Variants in IFT140 observed in about 807,000 individuals in gnomAD.
The protein encoded by IFT140 is intraflagellar transport protein 140 homolog.
IFT140 carries 133 observed loss-of-function variants against 164.6 expected under a neutral mutation model. The ratio of observed to expected loss-of-function variants is 0.81; its 90% CI spans 0.70 to 0.93. IFT140 has a LOEUF of 0.93. Among genes scored for constraint, IFT140 ranks in the 40% least tolerant of loss-of-function variants. The pLI, the probability that IFT140 is intolerant of heterozygous loss-of-function variation, is 0.00. For missense variants in IFT140, 2,045 were observed against 1,972.3 expected, an observed-to-expected ratio of 1.04 and a Z score of -0.70; for synonymous variants, 860 against 817.3, an observed-to-expected ratio of 1.05 and a Z score of -0.89.
At chr16:1,544,342 C>A (rs1396012052) in intron 19 of IFT140, among the ~76,000 whole-genome samples, 1 of 151,498 alleles carries the variant, frequency 6.6e-6, no homozygotes, top group Non-Finnish European at 1.5e-5. Context: ...CGCCACCATG[C>A]CCGGCTAATT....
At chr16:1,570,841 G>A (rs2033976021) in intron 14 of IFT140, among the ~76,000 whole-genome samples, 1 of 152,046 alleles carries the variant, frequency 6.6e-6, no homozygotes, top group African/African-American at 2.4e-5. Flanking sequence ...CCGCAACCTC[G>A]ATCTCCGAGG....
intron 14 of IFT140, among the ~76,000 whole-genome samples, chr16:1,568,639 T>C (rs1211697847): frequency 4.6e-5 from 7 of 151,960 alleles, no homozygotes; most frequent in Non-Finnish European, 1.5e-5. Flanking sequence ...CCCAGCACTT[T>C]GGGAGGGTGA....
intron 6 of IFT140, among the ~76,000 whole-genome samples, chr16:1,591,283 C>T (rs576325557): frequency 1.3e-5 from 2 of 152,158 alleles, no homozygotes; most frequent in African/African-American, 4.8e-5. Flanking sequence ...TCCTGGCACG[C>T]CCCCTCCTTG....
At position 1,526,666 on chromosome 16, in the gene IFT140, C is replaced by A; in HGVS notation, c.2530G>T (p.Glu844Ter). ...AGCACGGCCACGCGGGCCTCTAGCT[C>A]CGGCTCCTGCTCCGCCTCACGCAGC... ...RALREAEQEP[E>*]LEARVAVLAT... The change falls in exon 20 of 31, where the codon GAG becomes TAG. Residue 844 changes from glutamate to a stop codon, truncating the protein, a stop_gained. Coordinates refer to ENST00000426508, the MANE Select transcript of IFT140 (RefSeq NM_014714.4). LOFTEE classifies it high-confidence loss of function. The A allele has an allele frequency of 6.3e-7, 1 of 1,597,450 alleles. No individual in the cohort carries two copies.
In IFT140 at chr16:1,524,696, CT is replaced by C. The variant is rs2141171226; in HGVS notation, c.2998-2del. The C allele has an allele frequency of 1.3e-6, 2 of 1,575,304 alleles. No individual in the cohort carries two copies. The highest frequency in any genetic ancestry group is 2.7e-5 in the African/African-American group (2 of 74,132). ...CTGTCTCGTTGGCTATTTGCGCAGC[CT>C]AGAAAGACAAAGAACCCAAAGACGA... is the stretch of plus-strand genomic sequence containing the variant. On this transcript the variant is annotated splice_acceptor_variant, in intron 23 of 30. Coordinates refer to ENST00000426508, the MANE Select transcript of IFT140 (RefSeq NM_014714.4). LOFTEE classifies it high-confidence loss of function.
chr16:1,573,050 G>A (rs549180281), intron 13 of IFT140, among the ~76,000 whole-genome samples: 5 of 152,310 alleles, frequency 3.3e-5, no homozygotes, highest in African/African-American at 1.2e-4. Context: ...TCTAAACACA[G>A]ACTCCAAAAG....
At position 1,553,837 on chromosome 16, in the gene IFT140, C is replaced by T. The variant is rs2032874992; in HGVS notation, c.2399+4098G>A. On this transcript the variant is annotated intron_variant, in intron 19 of 30. Coordinates refer to ENST00000426508, the MANE Select transcript of IFT140 (RefSeq NM_014714.4). The surrounding 1 kb of genome is among the most constrained non-coding windows in gnomAD (Gnocchi z 4.4). ...ATTAGGACGCCCGGCTCCATCGCTG[C>T]GGCCACAGTGTCCTGTTATCCTAGT... 6 of 1,212,110 alleles carry T rather than the reference C, an allele frequency of 5.0e-6. No individual in the cohort carries two copies. The highest frequency in any genetic ancestry group is 3.0e-5 in the Admixed American group (1 of 33,156). 75.1% of individuals were successfully genotyped at this position (1,212,110 alleles called of 1,614,324 possible).
intron 11 of IFT140, 90 bp from the exon 12 acceptor site, chr16:1,583,476 A>G (rs1441827202): frequency 3.4e-6 from 3 of 887,876 alleles, no homozygotes; most frequent in Non-Finnish European, 1.8e-6. Flanking sequence ...GCCTCCTCTA[A>G]ACACTTCTGA....
intron 7 of IFT140, 51 bp downstream of exon 7, chr16:1,589,554 G>A (rs2035066299): frequency 6.3e-7 from 1 of 1,575,598 alleles, no homozygotes. Flanking sequence ...AGGCCAGAGA[G>A]AACCTGGCCC....
intron 6 of IFT140, among the ~76,000 whole-genome samples, chr16:1,591,457 T>C (rs1012773129): frequency 1.3e-5 from 2 of 152,234 alleles, no homozygotes; most frequent in Non-Finnish European, 2.9e-5. Flanking sequence ...CTCTTCTTCC[T>C]GTCAAGATCC....
chr16:1,583,406 T>C lies in IFT140; in HGVS notation c.1360-20A>G. ...AGCATCCTGAAAAGAACCACGGACA[T>C]TCGAGGCAAAGGGCGGGAAAAGTGA... On this transcript the variant is annotated intron_variant, in intron 11 of 30. Transcript: ENST00000426508. The C allele has an allele frequency of 6.2e-7, 1 of 1,612,872 alleles. No individual in the cohort carries two copies. Among genetic ancestry groups the C allele is most frequent in the South Asian group, 1.1e-5 (1 of 91,034 alleles).
rs545806762 is a variant in IFT140 at position 1,528,337 on chromosome 16, A to G, written c.2400-1541T>C. ...CACGCACGCATGCACGCACGTGTGC[A>G]CACACACGCATGCACGCACGTGTGC... On this transcript the variant is annotated intron_variant, in intron 19 of 30. Transcript: ENST00000426508. Among the ~76,000 whole-genome samples, 164 of 105,574 alleles carry G rather than the reference A, an allele frequency of 1.6e-3. 3 individuals carry two copies. The highest frequency in any genetic ancestry group is 5.5e-3 in the African/African-American group (139 of 25,240). 69.3% of individuals were successfully genotyped at this position (105,574 alleles called of 152,430 possible). A position where few individuals can be genotyped will look rare whatever the true frequency, so the allele number is the denominator to read the frequency against.
intron 19 of IFT140, among the ~76,000 whole-genome samples, chr16:1,538,123 C>A (rs1004829802): frequency 6.6e-6 from 1 of 152,194 alleles, no homozygotes; most frequent in African/African-American, 2.4e-5. Context: ...TTGGGGCAGG[C>A]GGGAGCGTGG....
chr16:1,595,264 G>A (rs1052813596), intron 4 of IFT140, among the ~76,000 whole-genome samples: 4 of 152,074 alleles, frequency 2.6e-5, no homozygotes, highest in African/African-American at 7.2e-5. Context: ...CAGCCTGGGT[G>A]ACAGAGTGAG....
chr16:1,517,589 G>A lies in IFT140; in HGVS notation c.4182+627C>T, dbSNP rs8051454. On this transcript the variant is annotated intron_variant, in intron 30 of 30. Coordinates refer to ENST00000426508, the MANE Select transcript of IFT140 (RefSeq NM_014714.4). ...GGGATGAGGAAAACGCTAGAACACTGCGGCTGAATAAGTGATTAGCTGGTC... is the reference window on the plus strand; with the variant it reads ...GGGATGAGGAAAACGCTAGAACACTACGGCTGAATAAGTGATTAGCTGGTC... Among the ~76,000 whole-genome samples, 371 of 152,276 alleles carry A rather than the reference G, an allele frequency of 2.4e-3. 3 individuals are homozygous for A. The highest frequency in any genetic ancestry group is 8.3e-3 in the African/African-American group (344 of 41,540).
intron 19 of IFT140, chr16:1,534,383 G>C (rs887583389): frequency 6.2e-7 from 1 of 1,612,860 alleles, no homozygotes; most frequent in Non-Finnish European, 8.5e-7. Flanking sequence ...AGACGCTGGA[G>C]GATGGGCGCA....
intron 4 of IFT140, among the ~76,000 whole-genome samples, chr16:1,600,456 AT>A (rs1395771830): frequency 1.0e-3 from 100 of 95,348 alleles, no homozygotes; most frequent in Non-Finnish European, 1.4e-3. Flanking sequence ...CAATAAAAAA[AT>A]AAATTTAAAA....
At chr16:1,547,519 C>G (rs1033637914) in intron 19 of IFT140, among the ~76,000 whole-genome samples, 1 of 151,998 alleles carries the variant, frequency 6.6e-6, no homozygotes, top group African/African-American at 2.4e-5. Context: ...TTACAATAAC[C>G]CGGTTCTTTG....
At chr16:1,539,931 G>A (rs1356905054) in intron 19 of IFT140, among the ~76,000 whole-genome samples, 7 of 152,200 alleles carry the variant, frequency 4.6e-5, no homozygotes, top group Non-Finnish European at 8.8e-5. Context: ...GAGGTCTCAG[G>A]GCTGGGGGCG....
Sources: gnomAD v4.1 joint callset for allele counts (sites outside exome capture counted in the v4.1 genomes callset) on GRCh38, gnomAD v4.1.1 for gene constraint, Gnocchi (gnomAD v3.1) non-coding constraint, MANE v1.5 for transcripts, NCBI Gene and HGNC (gene_info 2026-07-23, HGNC 2026-07-21) for gene names.